PRKN: variants seen among roughly 807,000 people sequenced by gnomAD.
PRKN encodes parkin RBR E3 ubiquitin protein ligase.
Under a neutral mutation model 59.5 loss-of-function variants are expected in PRKN, and 56 were observed. The observed-to-expected ratio is 0.94, with a 90% CI of 0.76 to 1.18. The LOEUF (loss-of-function observed/expected upper bound fraction) is 1.18. Among genes scored for constraint, PRKN ranks in the 50% most tolerant of loss-of-function variants. The probability of loss-of-function intolerance (pLI) is 0.00; values close to 1 mark genes in which losing one functional copy is unlikely to be tolerated. For synonymous variants in PRKN, 250 were observed against 222.1 expected (o/e 1.13, Z -1.12); for missense variants, 657 against 596.4 (o/e 1.10, Z -1.06).
intron 2 of PRKN, among the ~76,000 whole-genome samples, chr6:162,374,964 T>C (rs1243728648): frequency 6.6e-6 from 1 of 152,152 alleles, no homozygotes; most frequent in Non-Finnish European, 1.5e-5. Context: ...TTTTTATGTA[T>C]AACAAAAAGT....
chr6:162,106,760 T>A (rs1342710949), intron 4 of PRKN, among the ~76,000 whole-genome samples: 1 of 152,198 alleles, frequency 6.6e-6, no homozygotes, highest in East Asian at 1.9e-4. Context: ...CTGGCATATG[T>A]CTGACCTTGT....
chr6:162,106,384 TGA>T (rs757688901), intron 4 of PRKN, among the ~76,000 whole-genome samples: 1 of 145,636 alleles, frequency 6.9e-6, no homozygotes, highest in Non-Finnish European at 1.5e-5. Context: ...ACTGAGGACA[TGA>T]GAGAGTGAAT....
chr6:162,380,440 T>TAC (rs1786383640), intron 2 of PRKN, among the ~76,000 whole-genome samples: 4 of 76,506 alleles, frequency 5.2e-5, no homozygotes, highest in African/African-American at 2.2e-4. Context: ...TGTGTATATA[T>TAC]ATATATGTAT....
intron 6 of PRKN, among the ~76,000 whole-genome samples, chr6:161,902,386 A>G (rs1777950137): frequency 6.6e-6 from 1 of 152,108 alleles, no homozygotes; most frequent in African/African-American, 2.4e-5. Context: ...TTGTGATTCA[A>G]TAAGAAGTCT....
intron 4 of PRKN, among the ~76,000 whole-genome samples, chr6:162,136,053 A>T (rs1473699382): frequency 6.6e-6 from 1 of 151,390 alleles, no homozygotes; most frequent in African/African-American, 2.4e-5. Flanking sequence ...ATTTTAGGAA[A>T]GAAACATGTT....
intron 1 of PRKN, among the ~76,000 whole-genome samples, chr6:162,659,333 T>C (rs1778793119): frequency 6.6e-6 from 1 of 152,008 alleles, no homozygotes; most frequent in Non-Finnish European, 1.5e-5. Context: ...ACAGATAACA[T>C]TGTAAGCTAC....
intron 6 of PRKN, among the ~76,000 whole-genome samples, chr6:161,802,159 C>G (rs1276780641): frequency 1.3e-5 from 2 of 152,120 alleles, no homozygotes; most frequent in Admixed American, 6.5e-5. Context: ...ATTCTCCAAA[C>G]AGCAACCAGA....
intron 2 of PRKN, among the ~76,000 whole-genome samples, chr6:162,344,092 G>C (rs1347543354): frequency 6.6e-6 from 1 of 152,136 alleles, no homozygotes; most frequent in Non-Finnish European, 1.5e-5. Context: ...TAAAAGGAAA[G>C]TTTGTTTTGA....
intron 2 of PRKN, among the ~76,000 whole-genome samples, chr6:162,415,074 T>A (rs1788559999): frequency 6.6e-6 from 1 of 152,158 alleles, no homozygotes; most frequent in Non-Finnish European, 1.5e-5. Context: ...AACAATAGGA[T>A]TCTACTTCCT....
chr6:161,909,488 C>T (rs367566359), intron 6 of PRKN, among the ~76,000 whole-genome samples: 7 of 151,954 alleles, frequency 4.6e-5, no homozygotes, highest in Non-Finnish European at 8.8e-5. Flanking sequence ...CGAGAGAGAG[C>T]GCTTGCATAC....
chr6:162,574,669 A>G (rs573581580), intron 1 of PRKN, among the ~76,000 whole-genome samples: 95 of 122,872 alleles, frequency 7.7e-4, no homozygotes, highest in Middle Eastern at 8.4e-3. Context: ...TGAAGAGATC[A>G]TAAGATTGCT....
intron 1 of PRKN, among the ~76,000 whole-genome samples, chr6:162,699,866 C>T (rs537752706): frequency 9.9e-5 from 15 of 152,102 alleles, no homozygotes; most frequent in Non-Finnish European, 2.1e-4. Context: ...AAGAGAAGTA[C>T]GTTACCTTTG....
intron 5 of PRKN, among the ~76,000 whole-genome samples, chr6:162,023,738 A>AC (rs1783306613): frequency 6.6e-6 from 1 of 152,044 alleles, no homozygotes; most frequent in Non-Finnish European, 1.5e-5. Flanking sequence ...CGAAAGCAGG[A>AC]CTACCTGTCT....
chr6:162,026,885 T>C (rs1783456535), intron 5 of PRKN, among the ~76,000 whole-genome samples: 1 of 152,178 alleles, frequency 6.6e-6, no homozygotes, highest in Non-Finnish European at 1.5e-5. Context: ...ATAATGATGG[T>C]GAGAAGTTAA....
At chr6:161,743,313 G>A (rs1486017343) in intron 7 of PRKN, among the ~76,000 whole-genome samples, 9 of 144,858 alleles carry the variant, frequency 6.2e-5, no homozygotes, top group South Asian at 4.5e-4. Flanking sequence ...TCCGCCTCCC[G>A]GGTTCATGCC....
At position 161,348,309 on chromosome 6, in the gene PRKN, C is replaced by T. The variant is rs903760515; in HGVS notation, c.*1790G>A. On this transcript the variant is annotated 3_prime_UTR_variant, in exon 12 of 12. Transcript: ENST00000366898. The surrounding 1 kb of genome is among the most constrained non-coding windows in gnomAD (Gnocchi z 4.9). ...GCCACTGGGTGCAGGGGGCTCATGC[C>T]TGCCACCTCTCTTTTTTTCCCTTAC... 1.9e-5 allele frequency: 4 copies of T among 205,742 alleles called. No individual in the cohort carries two copies. The highest frequency in any genetic ancestry group is 1.2e-4 in the Admixed American group (2 of 16,696). 12.7% of individuals were successfully genotyped at this position (205,742 alleles called of 1,614,324 possible).
At chr6:161,522,333 G>A (rs16892698) in intron 9 of PRKN, among the ~76,000 whole-genome samples, 12,834 of 152,224 alleles carry the variant, frequency 0.084, 627 homozygotes, top group African/African-American at 0.14. Flanking sequence ...CTGACAAGTG[G>A]TGAGGACAAG....
intron 10 of PRKN, among the ~76,000 whole-genome samples, chr6:161,364,724 A>G (rs1160725293): frequency 1.3e-5 from 2 of 151,890 alleles, no homozygotes; most frequent in East Asian, 3.9e-4. Context: ...AGGCGGGTGG[A>G]TCATCTGAGG....
At chr6:161,996,185 C>T (rs1781832838) in intron 5 of PRKN, among the ~76,000 whole-genome samples, 1 of 151,944 alleles carries the variant, frequency 6.6e-6, no homozygotes, top group African/African-American at 2.4e-5. Flanking sequence ...TACACACACA[C>T]ACACACACAT....
Sources: gnomAD v4.1 joint callset for allele counts (sites outside exome capture counted in the v4.1 genomes callset) on GRCh38, gnomAD v4.1.1 for gene constraint, Gnocchi (gnomAD v3.1) non-coding constraint, MANE v1.5 for transcripts, NCBI Gene and HGNC (gene_info 2026-07-23, HGNC 2026-07-21) for gene names.